The following NALCN variants were observed in gnomAD, a reference collection of about 807,000 sequenced individuals.
The protein encoded by NALCN is sodium leak channel NALCN.
Under a neutral mutation model 225.3 loss-of-function variants are expected in NALCN, and 111 were observed. The ratio of observed to expected loss-of-function variants is 0.49; its 90% CI spans 0.42 to 0.58. The LOEUF (loss-of-function observed/expected upper bound fraction) is 0.58. NALCN is among the 20% of genes least tolerant of loss of function. NALCN has a pLI of 0.00. For synonymous variants in NALCN, 764 were observed against 769.0 expected, an observed-to-expected ratio of 0.99 and a Z score of 0.11; for missense variants, 1,378 against 2,202.4, an observed-to-expected ratio of 0.63 and a Z score of 7.49.
At chr13:101,145,303 A>G (rs1413688492) in intron 15 of NALCN, among the ~76,000 whole-genome samples, 1 of 152,230 alleles carries the variant, frequency 6.6e-6, no homozygotes, top group Non-Finnish European at 1.5e-5. Flanking sequence ...ATTTAAAAAA[A>G]ATTAACTACA....
At chr13:101,217,457 A>G (rs577084570) in intron 13 of NALCN, among the ~76,000 whole-genome samples, 2 of 152,320 alleles carry the variant, frequency 1.3e-5, no homozygotes, top group South Asian at 4.1e-4. Flanking sequence ...GCTTGAGATG[A>G]CAAAGTTGTT....
chr13:101,105,158 T>C (rs2035030644), intron 22 of NALCN, among the ~76,000 whole-genome samples: 2 of 152,212 alleles, frequency 1.3e-5, no homozygotes, highest in African/African-American at 4.8e-5. Context: ...AGTTGATGCT[T>C]ATGAAAATAA....
At position 101,057,998 on chromosome 13, in the gene NALCN, T is replaced by C. The variant is rs551567697; in HGVS notation, c.4964A>G (p.Gln1655Arg). 2 of 1,613,912 alleles carry C rather than the reference T, an allele frequency of 1.2e-6. No individual in the cohort carries two copies. The highest frequency in any genetic ancestry group is 2.7e-5 in the African/African-American group (2 of 75,064). ...PTLSDRGGSR[Q>R]DAADAGKPQR... is the part of the protein sequence containing the mutation. The stretch of plus-strand genomic sequence containing the variant: ...GGGTTTCCCTGCGTCGGCTGCATCT[T>C]GCCGACTTCCTCCTCGATCCGACAG... The change falls in exon 43 of 44, where the codon CAA becomes CGA. Residue 1655 changes from glutamine to arginine, a missense_variant. By Grantham distance (43) the Gln-to-Arg change is conservative. Around this residue, in one of 19 missense-constraint regions of NALCN, gnomAD observed 145 missense variants for 169.6 expected, o/e 0.85. Transcript: ENST00000251127.
At chr13:101,368,160 C>T (rs963333332) in intron 6 of NALCN, among the ~76,000 whole-genome samples, 6 of 123,842 alleles carry the variant, frequency 4.8e-5, no homozygotes, top group Non-Finnish European at 9.7e-5. Context: ...CCCCTCCCCC[C>T]ACCCCACAAC....
chr13:101,102,171 T>C lies in NALCN; in HGVS notation c.3057+1001A>G, dbSNP rs190263959. Among the ~76,000 whole-genome samples, 411 of 151,930 alleles carry C rather than the reference T, an allele frequency of 2.7e-3. 5 individuals are homozygous for C. The highest frequency in any genetic ancestry group is 0.023 in the Admixed American group (353 of 15,262). On this transcript the variant is annotated intron_variant, in intron 26 of 43. Coordinates refer to ENST00000251127, the MANE Select transcript of NALCN (RefSeq NM_052867.4). ...GGTGGCACATGCGTGTAGTCTCAGC[T>C]ACTTGGGAGGCTGAGGCATGAGAAT...
At chr13:101,355,916 C>T (rs2046044614) in intron 6 of NALCN, among the ~76,000 whole-genome samples, 1 of 152,150 alleles carries the variant, frequency 6.6e-6, no homozygotes, top group African/African-American at 2.4e-5. Flanking sequence ...AACACAATTA[C>T]AAGGAAATTG....
intron 17 of NALCN, among the ~76,000 whole-genome samples, chr13:101,132,949 A>G (rs1476161615): frequency 6.6e-6 from 1 of 152,188 alleles, no homozygotes; most frequent in African/African-American, 2.4e-5. Context: ...ATTGATTTTC[A>G]GAATAATGAC....
intron 22 of NALCN, among the ~76,000 whole-genome samples, chr13:101,106,444 T>C (rs1211698949): frequency 4.6e-5 from 7 of 152,200 alleles, no homozygotes; most frequent in African/African-American, 1.7e-4. Flanking sequence ...TCCAACTACA[T>C]AATGGGAACA....
intron 10 of NALCN, among the ~76,000 whole-genome samples, chr13:101,280,742 T>C (rs763203838): frequency 6.6e-6 from 1 of 152,192 alleles, no homozygotes; most frequent in Non-Finnish European, 1.5e-5. Context: ...CTCCCTCTGG[T>C]TGAATGTAAT....
At position 101,237,461 on chromosome 13, in the gene NALCN, A is replaced by T. The variant is rs2041603730; in HGVS notation, c.1434+294T>A. On this transcript the variant is annotated intron_variant, in intron 12 of 43. Coordinates refer to ENST00000251127, the MANE Select transcript of NALCN (RefSeq NM_052867.4). Reference sequence around the variant, plus strand: ...TGATACGCATGTATGGATATATGTTATCCATATATAAAAATATGTGTATCT... The same window carrying T: ...TGATACGCATGTATGGATATATGTTTTCCATATATAAAAATATGTGTATCT... Among the ~76,000 whole-genome samples the T allele has an allele frequency of 2.0e-5, 3 of 152,154 alleles. No homozygotes were observed. The South Asian group carries it at 6.2e-4, about 31-fold the overall frequency.
chr13:101,296,009 T>C (rs1468784982), intron 7 of NALCN, among the ~76,000 whole-genome samples: 2 of 152,208 alleles, frequency 1.3e-5, no homozygotes, highest in East Asian at 1.9e-4. Flanking sequence ...ACAGTCCCGC[T>C]CTCGCTGCTG....
intron 6 of NALCN, among the ~76,000 whole-genome samples, chr13:101,349,943 A>C (rs1003424675): frequency 1.3e-5 from 2 of 152,146 alleles, no homozygotes; most frequent in African/African-American, 2.4e-5. Context: ...CCGTGGAGCA[A>C]ACTTGAAGTC....
Position 101,176,321 on chromosome 13 carries a change from T to C in NALCN, c.1818A>G (p.Glu606=), listed in dbSNP as rs1170655393. Residue 606 remains glutamate (E), a synonymous_variant, in exon 15 of 44, where the codon GAA becomes GAG. Coordinates refer to ENST00000251127, the MANE Select transcript of NALCN (RefSeq NM_052867.4). ...TTACTTGTTTAAGCTTCTTTAGGTC[T>C]TCATCAAGTTCTAAGTTGTCCAAAA... ...AVILDNLELD[E]DLKKLKQLKQ... 6.3e-7 allele frequency: 1 copy of C among 1,593,310 alleles called. No individual in the cohort carries two copies. The highest frequency in any genetic ancestry group is 1.8e-5 in the Admixed American group (1 of 55,690).
intron 18 of NALCN, among the ~76,000 whole-genome samples, chr13:101,123,282 T>G (rs148774831): frequency 6.6e-6 from 1 of 152,310 alleles, no homozygotes; most frequent in Non-Finnish European, 1.5e-5. Context: ...AGATACTCGA[T>G]GCAGACTGAG....
intron 13 of NALCN, among the ~76,000 whole-genome samples, chr13:101,212,021 A>T (rs1474955142): frequency 6.6e-6 from 1 of 152,146 alleles, no homozygotes; most frequent in Non-Finnish European, 1.5e-5. Flanking sequence ...AAAATCTTCA[A>T]AAGCTCCCTT....
At chr13:101,301,316 A>G (rs1287556427) in intron 7 of NALCN, among the ~76,000 whole-genome samples, 5 of 152,220 alleles carry the variant, frequency 3.3e-5, no homozygotes, top group African/African-American at 1.2e-4. Flanking sequence ...AAGGGTAGCA[A>G]AGAAACCTGG....
chr13:101,202,892 G>C (rs2040178118), intron 13 of NALCN, among the ~76,000 whole-genome samples: 1 of 152,112 alleles, frequency 6.6e-6, no homozygotes, highest in Non-Finnish European at 1.5e-5. Flanking sequence ...ATGCAGACCA[G>C]GATGCTCTGT....
intron 35 of NALCN, among the ~76,000 whole-genome samples, chr13:101,074,885 C>T (rs1360616013): frequency 1.3e-5 from 2 of 152,152 alleles, no homozygotes; most frequent in Admixed American, 6.5e-5. Flanking sequence ...ACCCACCAGG[C>T]GTTGGGCGAA....
Position 101,111,110 on chromosome 13 carries a change from T to A in NALCN, c.2294+15A>T. On this transcript the variant is annotated intron_variant, in intron 19 of 43. Transcript: ENST00000251127. ...TTTTTAGAGTCTCTGAAGCCCTGTCTTCCCAAGTATTTACCTGCGCTCTTG... is the reference window on the plus strand; with the variant it reads ...TTTTTAGAGTCTCTGAAGCCCTGTCATCCCAAGTATTTACCTGCGCTCTTG... 6.3e-7 allele frequency: 1 copy of A among 1,596,344 alleles called. No individual in the cohort carries two copies. Among genetic ancestry groups the A allele is most frequent in the African/African-American group, 1.3e-5 (1 of 74,748 alleles).
Sources: gnomAD v4.1 joint callset for allele counts (sites outside exome capture counted in the v4.1 genomes callset) on GRCh38, gnomAD v4.1.1 for gene constraint, gnomAD v4.1.1 regional missense constraint, MANE v1.5 for transcripts, NCBI Gene and HGNC (gene_info 2026-07-23, HGNC 2026-07-21) for gene names.